Variants in TRIM34 observed in about 807,000 individuals in gnomAD.
TRIM34 encodes the protein tripartite motif containing 34.
A neutral mutation model predicts 38.1 loss-of-function variants in TRIM34; 41 were observed. The observed-to-expected ratio is 1.08, with a 90% CI of 0.84 to 1.40. TRIM34 has a LOEUF of 1.40. Ranked by LOEUF, TRIM34 falls within the 40% of genes most tolerant of loss-of-function variation. The pLI, the probability that TRIM34 is intolerant of heterozygous loss-of-function variation, is 0.00. For missense variants in TRIM34, 556 were observed against 571.4 expected (o/e 0.97, Z 0.27); for synonymous variants, 200 against 202.5 (o/e 0.99, Z 0.10).
At chr11:5,633,251 C>T (rs7127863) in intron 2 of TRIM34, among the ~76,000 whole-genome samples, 132,245 of 150,550 alleles carry the variant, frequency 0.88, 58,156 homozygotes, top group East Asian at 1. Flanking sequence ...TCTTTACCCC[C>T]TGTGGAACCA....
In TRIM34 at chr11:5,634,629, A is replaced by T; in HGVS notation, c.520-2A>T. On this transcript the variant is annotated splice_acceptor_variant, in intron 3 of 7. Transcript: ENST00000429814. LOFTEE classifies it high-confidence loss of function. ...ACAACTCTCTCTTGTCCATCCTTGC[A>T]GTATCAGGTACAAACTGAGAGACAA... 1 of 1,609,988 alleles carries T rather than the reference A, an allele frequency of 6.2e-7. No individual in the cohort carries two copies. The highest frequency in any genetic ancestry group is 8.5e-7 in the Non-Finnish European group (1 of 1,177,620).
chr11:5,642,210 C>T (rs1262529787), intron 5 of TRIM34, among the ~76,000 whole-genome samples, 196 bp from the exon 6 acceptor site: 1 of 151,994 alleles, frequency 6.6e-6, no homozygotes, highest in Non-Finnish European at 1.5e-5. Context: ...TCAAGGTCAC[C>T]CAGAGGATAA....
In TRIM34 at chr11:5,632,576, AG is replaced by A. The variant is rs764905527; in HGVS notation, c.247del (p.Glu83ArgfsTer4). Reference protein sequence around the residue: ...QHLANIVERLKEVKLSPDNGK... With the variant: ...QHLANIVERLXEVKLSPDNGK... ...CTGGCCAACATAGTGGAGAGACTCAAGGAGGTCAAGTTGAGCCCAGACAATG... is the reference window on the plus strand; with the variant it reads ...CTGGCCAACATAGTGGAGAGACTCAAGAGGTCAAGTTGAGCCCAGACAATG... On this transcript the variant is annotated frameshift_variant, in exon 2 of 8. Transcript: ENST00000429814. The A allele has an allele frequency of 5.3e-5, 85 of 1,613,764 alleles. No homozygotes were observed. The highest frequency in any genetic ancestry group is 1.4e-5 in the Non-Finnish European group (17 of 1,180,010).
intron 6 of TRIM34, among the ~76,000 whole-genome samples, 153 bp downstream of exon 6, chr11:5,642,659 G>T (rs1014339755): frequency 7.3e-6 from 1 of 137,120 alleles, no homozygotes; most frequent in Admixed American, 7.8e-5. Context: ...GCATTTATAT[G>T]TAAGGAAAAA....
Position 5,632,760 on chromosome 11 carries a change from G to A in TRIM34, c.423+6G>A, listed in dbSNP as rs564920350. On this transcript the variant is annotated splice_donor_region_variant and intron_variant, in intron 2 of 7. Transcript: ENST00000429814. ...AAGTATTCAAGGAATGTCAGGTAGG[G>A]CCCTAGATGGAGGGAGATGGGGCAG... is the stretch of plus-strand genomic sequence containing the variant. 2.5e-6 allele frequency: 4 copies of A among 1,588,186 alleles called. No homozygotes were observed. In the South Asian group the frequency reaches 4.5e-5, roughly 18 times the overall value.
intron 4 of TRIM34, among the ~76,000 whole-genome samples, chr11:5,638,736 G>A (rs1284109862): frequency 3.9e-5 from 6 of 152,144 alleles, no homozygotes; most frequent in Non-Finnish European, 7.4e-5. Flanking sequence ...TACTGGTGCC[G>A]TTTTTTCTTC....
intron 3 of TRIM34, 134 bp downstream of exon 3, chr11:5,634,033 T>A: frequency 8.5e-6 from 8 of 940,542 alleles, no homozygotes; most frequent in Non-Finnish European, 1.2e-5. Flanking sequence ...CTCTGTCCTG[T>A]CCCTGTTGGG....
chr11:5,630,290 C>CT (rs1018722765), intron 1 of TRIM34, among the ~76,000 whole-genome samples: 3 of 152,220 alleles, frequency 2.0e-5, no homozygotes, highest in South Asian at 2.1e-4. Context: ...TAATGATAAC[C>CT]TTTTTTTCCC....
chr11:5,627,149 G>A (rs990943363), intron 1 of TRIM34, among the ~76,000 whole-genome samples: 7 of 151,950 alleles, frequency 4.6e-5, no homozygotes, highest in African/African-American at 7.3e-5. Flanking sequence ...AGGCCAAGGC[G>A]GGTGGATCAC....
intron 4 of TRIM34, among the ~76,000 whole-genome samples, chr11:5,637,462 C>T (rs1564888193): frequency 6.6e-6 from 1 of 152,106 alleles, no homozygotes; most frequent in Non-Finnish European, 1.5e-5. Context: ...AAAGGAGATA[C>T]TTTGATTTTT....
intron 1 of TRIM34, among the ~76,000 whole-genome samples, chr11:5,628,882 C>A (rs113364012): frequency 2.3e-3 from 352 of 151,856 alleles, no homozygotes; most frequent in African/African-American, 7.9e-3. Flanking sequence ...TTCTAGCAAA[C>A]CTCGGCATTC....
chr11:5,627,257 G>C (rs1398402572), intron 1 of TRIM34, among the ~76,000 whole-genome samples: 1 of 151,980 alleles, frequency 6.6e-6, no homozygotes, highest in African/African-American at 2.4e-5. Context: ...GCAGGCACCT[G>C]TAATCCCAGC....
intron 1 of TRIM34, among the ~76,000 whole-genome samples, chr11:5,630,246 G>T (rs555841888): frequency 6.6e-6 from 1 of 152,138 alleles, no homozygotes; most frequent in African/African-American, 2.4e-5. Context: ...TGGTGATGGC[G>T]ATGTGTTTTT....
chr11:5,620,116 G>T (rs1238388930), upstream of TRIM34: 1 of 148,958 alleles, frequency 6.7e-6, no homozygotes, highest in African/African-American at 2.5e-5. Context: ...ATGAGACTTA[G>T]GAAAGTCATT....
chr11:5,633,130 G>A (rs868739163), intron 2 of TRIM34, among the ~76,000 whole-genome samples: 3 of 142,492 alleles, frequency 2.1e-5, no homozygotes, highest in East Asian at 4.1e-4. Flanking sequence ...GAGCCACCAT[G>A]CCCGGCCTTT....
chr11:5,622,649 G>A (rs1471962515), upstream of TRIM34, among the ~76,000 whole-genome samples: 2 of 151,898 alleles, frequency 1.3e-5, no homozygotes, highest in Non-Finnish European at 2.9e-5. Flanking sequence ...AAAAAAAACC[G>A]GAAAAAACTC....
At chr11:5,626,286 C>CT (rs111926384) in intron 1 of TRIM34, among the ~76,000 whole-genome samples, 1,550 of 152,226 alleles carry the variant, frequency 0.01, 25 homozygotes, top group South Asian at 0.035. Flanking sequence ...AGCCTACATC[C>CT]AAATAGAAAG....
intron 1 of TRIM34, among the ~76,000 whole-genome samples, chr11:5,627,774 T>C (rs1160373818): frequency 6.6e-6 from 1 of 152,164 alleles, no homozygotes; most frequent in Non-Finnish European, 1.5e-5. Flanking sequence ...GGCTCTACTT[T>C]CCTTATTGGC....
rs377017683 is a variant in TRIM34, at chr11:5,643,165, T to A, written c.923T>A (p.Val308Asp). 19 of 1,554,804 alleles carry A rather than the reference T, an allele frequency of 1.2e-5. No individual in the cohort carries two copies. The highest frequency in any genetic ancestry group is 1.6e-5 in the Non-Finnish European group (18 of 1,156,452). ...CYWVDVTLNS[V>D]NLNLNLVLSE... ...GCAGTGGATGTCACACTGAATTCAG[T>A]CAACCTAAATTTGAATCTTGTCCTT... is the stretch of plus-strand genomic sequence containing the variant. Residue 308 changes from valine (V) to aspartate (D), a missense_variant, in exon 8 of 8, where the codon GTC becomes GAC. Transcript: ENST00000429814.
Sources: gnomAD v4.1 joint callset for allele counts (sites outside exome capture counted in the v4.1 genomes callset) on GRCh38, gnomAD v4.1.1 for gene constraint, MANE v1.5 for transcripts, NCBI Gene and HGNC (gene_info 2026-07-23, HGNC 2026-07-21) for gene names.